GPC6: variants seen among roughly 807,000 people sequenced by gnomAD.
GPC6 encodes the protein glypican 6.
Under a neutral mutation model 55.2 loss-of-function variants are expected in GPC6, and 14 were observed. That is an observed-to-expected ratio of 0.25 (90% CI 0.17 to 0.40). GPC6 has a LOEUF of 0.40. GPC6 is among the 10% of genes least tolerant of loss of function. The pLI is 1.00. For missense variants in GPC6, 641 were observed against 708.5 expected, an observed-to-expected ratio of 0.90 and a Z score of 1.08; for synonymous variants, 278 against 259.6, an observed-to-expected ratio of 1.07 and a Z score of -0.68.
intron 2 of GPC6, among the ~76,000 whole-genome samples, chr13:93,733,204 A>G (rs1883889477): frequency 6.6e-6 from 1 of 152,132 alleles, no homozygotes; most frequent in South Asian, 2.1e-4. Flanking sequence ...CAAAACTCTC[A>G]AAATATGAAA....
At chr13:93,850,054 G>A (rs1333801584) in intron 3 of GPC6, among the ~76,000 whole-genome samples, 1 of 152,004 alleles carries the variant, frequency 6.6e-6, no homozygotes, top group Non-Finnish European at 1.5e-5. Flanking sequence ...AAAGGCTGTT[G>A]TCATGAATGA....
chr13:94,114,864 G>A (rs765432346), intron 4 of GPC6, among the ~76,000 whole-genome samples: 2 of 152,042 alleles, frequency 1.3e-5, no homozygotes, highest in African/African-American at 2.4e-5. Flanking sequence ...CTAAATGGTA[G>A]TACTGTTTTT....
chr13:93,935,000 G>A (rs1236772054), intron 3 of GPC6, among the ~76,000 whole-genome samples: 2 of 152,206 alleles, frequency 1.3e-5, no homozygotes, highest in Non-Finnish European at 2.9e-5. Context: ...CTTTATGGGT[G>A]AATAATATTC....
chr13:94,194,180 A>G (rs915836483), intron 4 of GPC6, among the ~76,000 whole-genome samples: 1 of 152,228 alleles, frequency 6.6e-6, no homozygotes, highest in Non-Finnish European at 1.5e-5. Context: ...ATACATGTAC[A>G]TATTTATTTA....
intron 4 of GPC6, among the ~76,000 whole-genome samples, chr13:94,253,018 A>G (rs893952199): frequency 6.6e-6 from 1 of 152,020 alleles, no homozygotes; most frequent in Non-Finnish European, 1.5e-5. Flanking sequence ...GACTGGTGTC[A>G]GGAATGATAA....
chr13:94,345,438 T>C (rs1285189852), intron 6 of GPC6, among the ~76,000 whole-genome samples: 1 of 152,212 alleles, frequency 6.6e-6, no homozygotes, highest in Non-Finnish European at 1.5e-5. Flanking sequence ...TATGATTCAA[T>C]TTACCAAATC....
At chr13:93,312,910 C>T (rs1469171262) in intron 1 of GPC6, among the ~76,000 whole-genome samples, 3 of 152,048 alleles carry the variant, frequency 2.0e-5, no homozygotes, top group South Asian at 2.1e-4. Flanking sequence ...CTGAAGCCAG[C>T]GCTGCCATGC....
chr13:93,842,788 AT>A (rs1367627921), intron 3 of GPC6, among the ~76,000 whole-genome samples: 2 of 152,078 alleles, frequency 1.3e-5, no homozygotes, highest in African/African-American at 2.4e-5. Context: ...CAGGATATTT[AT>A]TTTTTGTTGG....
intron 1 of GPC6, among the ~76,000 whole-genome samples, chr13:93,283,294 A>G (rs1337800468): frequency 1.3e-5 from 2 of 152,172 alleles, no homozygotes; most frequent in African/African-American, 4.8e-5. Context: ...CTCATAGAAA[A>G]GAGCTAAAAA....
chr13:93,522,722 C>G (rs1881468197), intron 1 of GPC6, among the ~76,000 whole-genome samples: 2 of 151,838 alleles, frequency 1.3e-5, no homozygotes, highest in African/African-American at 4.8e-5. Flanking sequence ...CTCACTGATT[C>G]CTTCCCGCTG....
intron 1 of GPC6, among the ~76,000 whole-genome samples, chr13:93,281,826 AC>A (rs59024147): frequency 0.013 from 1,907 of 152,304 alleles, 37 homozygotes; most frequent in African/African-American, 0.043. Flanking sequence ...AAAAAACAAA[AC>A]AAAAAAGAAA....
chr13:93,418,634 T>C (rs1876798579), intron 1 of GPC6, among the ~76,000 whole-genome samples: 1 of 151,056 alleles, frequency 6.6e-6, no homozygotes, highest in Non-Finnish European at 1.5e-5. Context: ...AATAGCGCTA[T>C]ACCGTAGTAT....
At chr13:93,362,038 T>C (rs961788595) in intron 1 of GPC6, among the ~76,000 whole-genome samples, 5 of 152,230 alleles carry the variant, frequency 3.3e-5, no homozygotes, top group Non-Finnish European at 5.9e-5. Flanking sequence ...TGTTTTGTAA[T>C]AAATAAGGTA....
chr13:93,267,572 G>A (rs1352927814), intron 1 of GPC6, among the ~76,000 whole-genome samples: 2 of 152,008 alleles, frequency 1.3e-5, no homozygotes, highest in Admixed American at 6.6e-5. Flanking sequence ...TCTTATATAA[G>A]TGAAGGCCCT....
intron 6 of GPC6, among the ~76,000 whole-genome samples, chr13:94,324,357 G>T (rs1479399871): frequency 2.7e-5 from 4 of 150,596 alleles, no homozygotes; most frequent in South Asian, 2.1e-4. Flanking sequence ...TAGAAATACT[G>T]GTAGAGGACA....
intron 2 of GPC6, among the ~76,000 whole-genome samples, chr13:93,795,712 G>A (rs748724896): frequency 4.9e-4 from 74 of 152,140 alleles, no homozygotes; most frequent in Non-Finnish European, 2.8e-4. Flanking sequence ...CAAATATCTA[G>A]TTCACATATT....
At chr13:93,276,509 T>A (rs1005344669) in intron 1 of GPC6, among the ~76,000 whole-genome samples, 16 of 150,972 alleles carry the variant, frequency 1.1e-4, no homozygotes, top group South Asian at 2.1e-4. Context: ...TGTGTGTGTG[T>A]GTGTGTGTGT....
At chr13:93,402,052 T>C (rs1181759368) in intron 1 of GPC6, among the ~76,000 whole-genome samples, 2 of 152,188 alleles carry the variant, frequency 1.3e-5, no homozygotes, top group African/African-American at 4.8e-5. Flanking sequence ...GTTAACTAAC[T>C]GGTCCAGTGT....
chr13:94,247,976 AC>A (rs1891246238), intron 4 of GPC6, among the ~76,000 whole-genome samples: 1 of 152,108 alleles, frequency 6.6e-6, no homozygotes, highest in Non-Finnish European at 1.5e-5. Context: ...AGCTGAGGCT[AC>A]AGGTACATGC....
Sources: allele counts gnomAD v4.1 joint callset (sites outside exome capture counted in the v4.1 genomes callset), GRCh38; gene constraint gnomAD v4.1.1; transcripts MANE v1.5; gene names NCBI Gene and HGNC (gene_info 2026-07-23, HGNC 2026-07-21).